Variants in RBFOX1 observed in about 807,000 individuals in gnomAD.
RBFOX1 encodes the protein RNA binding fox-1 homolog 1.
Under a neutral mutation model 57.7 loss-of-function variants are expected in RBFOX1, and 8 were observed. That is an observed-to-expected ratio of 0.14 (90% confidence interval 0.08 to 0.25). The LOEUF is 0.25. RBFOX1 is among the 10% of genes least tolerant of loss of function. RBFOX1 has a pLI of 1.00. For missense variants in RBFOX1, 611 were observed against 548.5 expected (o/e 1.11, Z -1.14); for synonymous variants, 326 against 222.4 (o/e 1.47, Z -4.15).
At chr16:5,622,260 C>T (rs557087542) in intron 3 of RBFOX1, among the ~76,000 whole-genome samples, 25 of 152,304 alleles carry the variant, frequency 1.6e-4, no homozygotes, top group African/African-American at 6.0e-4. Flanking sequence ...AGATGTTAGG[C>T]TGCTTTGGCT....
intron 4 of RBFOX1, among the ~76,000 whole-genome samples, chr16:7,173,501 T>C (rs926577597): frequency 2.0e-5 from 3 of 152,180 alleles, no homozygotes; most frequent in African/African-American, 7.2e-5. Context: ...ACTTTTTTTT[T>C]TCTCTCAGAA....
chr16:6,552,897 T>C (rs2097018562), intron 2 of RBFOX1, among the ~76,000 whole-genome samples: 1 of 152,058 alleles, frequency 6.6e-6, no homozygotes, highest in Admixed American at 6.6e-5. Context: ...TATAACAAAA[T>C]GTATGTTATT....
intron 2 of RBFOX1, among the ~76,000 whole-genome samples, chr16:6,448,385 G>A (rs1295530304): frequency 3.3e-5 from 5 of 151,882 alleles, no homozygotes; most frequent in African/African-American, 4.8e-5. Flanking sequence ...TCTTGAACTC[G>A]TGACCTTGTG....
At position 6,403,878 on chromosome 16, in the gene RBFOX1, G is replaced by A. The variant is rs191220262; in HGVS notation, c.-64+86821G>A. On this transcript the variant is annotated intron_variant, in intron 2 of 15. Transcript: ENST00000550418. ...TAAGGTCCAATGAGATTATAAGGGT[G>A]GGGTCCTGATTCAATAGGACTGGTG... 9.3e-4 allele frequency among the ~76,000 whole-genome samples: 141 copies of A among 152,198 alleles called. No homozygotes were observed. The Middle Eastern group carries it at 0.014, about 15-fold the overall frequency.
intron 4 of RBFOX1, among the ~76,000 whole-genome samples, chr16:7,144,417 C>CTTTTTTTTTTTTTTTTTTTTT (rs1190886141): frequency 3.0e-5 from 2 of 66,914 alleles, no homozygotes; most frequent in African/African-American, 6.1e-5. Flanking sequence ...TTTCTTTCTT[C>CTTTTTTTTTTTTTTTTTTTTT]TTTTTTTTTT....
chr16:7,061,548 G>A (rs2346250), intron 4 of RBFOX1, among the ~76,000 whole-genome samples: 123,904 of 152,168 alleles, frequency 0.81, 51,115 homozygotes, highest in African/African-American at 0.94. Flanking sequence ...CCAGGCATTT[G>A]AACACTTTAT....
chr16:7,003,156 G>C (rs113523967), intron 3 of RBFOX1, among the ~76,000 whole-genome samples: 11 of 152,088 alleles, frequency 7.2e-5, no homozygotes, highest in Non-Finnish European at 1.5e-4. Context: ...ATGCTAGACA[G>C]ATCGTTTAAA....
chr16:7,650,435 T>C lies in RBFOX1; in HGVS notation c.758-3380T>C, dbSNP rs150909643. 3.3e-5 allele frequency among the ~76,000 whole-genome samples: 5 copies of C among 152,114 alleles called. No homozygotes were observed. In the East Asian group the frequency reaches 9.7e-4, roughly 30 times the overall value. On this transcript the variant is annotated intron_variant, in intron 11 of 15. Coordinates refer to ENST00000550418, the MANE Select transcript of RBFOX1 (RefSeq NM_018723.4). ...AAATAAGAAGTCCCCCAATGTGCCC[T>C]GCTTGGGAGAGCCCAAAGAACCTCC...
chr16:5,969,465 T>C (rs12924665), intron 4 of RBFOX1, among the ~76,000 whole-genome samples: 84,641 of 147,552 alleles, frequency 0.57, 24,448 homozygotes, highest in South Asian at 0.63. Context: ...GCACATGCCA[T>C]CACGCCTGGC....
intron 3 of RBFOX1, among the ~76,000 whole-genome samples, chr16:5,691,741 C>T (rs2050686037): frequency 6.6e-6 from 1 of 152,094 alleles, no homozygotes; most frequent in East Asian, 1.9e-4. Context: ...TCTCAAGTAG[C>T]CTGTAATCTT....
chr16:7,070,299 C>T (rs1190041273), intron 4 of RBFOX1, among the ~76,000 whole-genome samples: 1 of 152,142 alleles, frequency 6.6e-6, no homozygotes, highest in African/African-American at 2.4e-5. Context: ...TTCTTATTTG[C>T]AGGTTGCTTT....
At chr16:6,706,496 A>T (rs1178967446) in intron 3 of RBFOX1, among the ~76,000 whole-genome samples, 1 of 152,210 alleles carries the variant, frequency 6.6e-6, no homozygotes, top group African/African-American at 2.4e-5. Flanking sequence ...GTAATGAGGC[A>T]GGATCACTTA....
chr16:6,370,578 C>T (rs1427834624), intron 2 of RBFOX1, among the ~76,000 whole-genome samples: 1 of 152,026 alleles, frequency 6.6e-6, no homozygotes. Context: ...TGAAAGAAAC[C>T]AGTCGCAAAA....
At chr16:7,233,863 C>T (rs79243981) in intron 4 of RBFOX1, among the ~76,000 whole-genome samples, 2,752 of 152,246 alleles carry the variant, frequency 0.018, 46 homozygotes, top group Non-Finnish European at 0.024. Flanking sequence ...TTATTTCTGC[C>T]GATCTTAGCC....
chr16:7,572,507 G>A (rs993291852), intron 5 of RBFOX1, among the ~76,000 whole-genome samples: 4 of 152,138 alleles, frequency 2.6e-5, no homozygotes, highest in African/African-American at 7.2e-5. Context: ...CAGTGATGCT[G>A]TTGAACATTC....
At chr16:5,441,943 C>T (rs1050095390) in intron 1 of RBFOX1, among the ~76,000 whole-genome samples, 2 of 152,132 alleles carry the variant, frequency 1.3e-5, no homozygotes, top group Non-Finnish European at 2.9e-5. Context: ...AACTACAATT[C>T]AAGATGAGAT....
intron 4 of RBFOX1, among the ~76,000 whole-genome samples, chr16:7,434,150 G>A (rs2098703793): frequency 6.6e-6 from 1 of 152,064 alleles, no homozygotes; most frequent in Non-Finnish European, 1.5e-5. Flanking sequence ...TAAGAGCTTA[G>A]GAGATGACAG....
intron 3 of RBFOX1, among the ~76,000 whole-genome samples, chr16:7,030,641 C>T (rs978379617): frequency 6.6e-6 from 1 of 152,156 alleles, no homozygotes; most frequent in Admixed American, 6.5e-5. Flanking sequence ...CTACTCTAAT[C>T]TACTATGATT....
At position 6,718,799 on chromosome 16, in the gene RBFOX1, G is replaced by A. The variant is rs113154143; in HGVS notation, c.-16+64149G>A. Among the ~76,000 whole-genome samples, 14 of 152,220 alleles carry A rather than the reference G, an allele frequency of 9.2e-5. No homozygotes were observed. In the East Asian group the frequency reaches 2.1e-3, roughly 23 times the overall value. ...CACAACTAGGTTGACTCCAGTCTCC[G>A]CATAAACACACTGGCAGAAGAGATG... On this transcript the variant is annotated intron_variant, in intron 3 of 15. Coordinates refer to ENST00000550418, the MANE Select transcript of RBFOX1 (RefSeq NM_018723.4).
Sources: gnomAD v4.1 joint callset for allele counts (sites outside exome capture counted in the v4.1 genomes callset) on GRCh38, gnomAD v4.1.1 for gene constraint, MANE v1.5 for transcripts, NCBI Gene and HGNC (gene_info 2026-07-23, HGNC 2026-07-21) for gene names.